The following GPR107 variants were observed in gnomAD, a reference collection of about 807,000 sequenced individuals.
The protein encoded by GPR107 is G protein-coupled receptor 107, also known as protein GPR107.
In GPR107, 31 loss-of-function variants were observed where a neutral mutation model predicts 75.5. That is an observed-to-expected ratio of 0.41 (90% CI 0.31 to 0.55). The LOEUF (loss-of-function observed/expected upper bound fraction) is 0.55. Ranked by LOEUF, GPR107 falls within the 20% of genes least tolerant of loss-of-function variation. The pLI is 0.26. For missense variants in GPR107, 572 were observed against 665.7 expected (o/e 0.86, Z 1.55); for synonymous variants, 267 against 251.3 (o/e 1.06, Z -0.59).
chr9:130,094,622 T>G (rs1168097458), intron 9 of GPR107, among the ~76,000 whole-genome samples: 2 of 151,996 alleles, frequency 1.3e-5, no homozygotes. Flanking sequence ...GTTATAAAAA[T>G]TTAGGCCATT....
At chr9:130,121,659 A>G (rs1831550081) in intron 14 of GPR107, among the ~76,000 whole-genome samples, 1 of 152,026 alleles carries the variant, frequency 6.6e-6, no homozygotes, top group Admixed American at 6.6e-5. Flanking sequence ...GCCTTCTCCC[A>G]CTGTGGCTCA....
At chr9:130,124,998 A>G in intron 15 of GPR107, 34 bp downstream of exon 15, 3 of 1,091,776 alleles carry the variant, frequency 2.7e-6, no homozygotes, top group Non-Finnish European at 2.6e-6. Context: ...TCAATCTATA[A>G]ATAAAATCAA....
intron 1 of GPR107, among the ~76,000 whole-genome samples, chr9:130,062,426 A>AATAATAATT (rs1480126302): frequency 1.7e-5 from 2 of 114,724 alleles, no homozygotes; most frequent in Admixed American, 8.0e-5. Context: ...AAATGATAAT[A>AATAATAATT]ATAATAATAA....
intron 6 of GPR107, among the ~76,000 whole-genome samples, chr9:130,084,638 T>TG (rs1830573153): frequency 6.6e-6 from 1 of 151,668 alleles, no homozygotes; most frequent in East Asian, 1.9e-4. Context: ...TTAGCGGGCA[T>TG]GGTGGTATGC....
At position 130,127,794 on chromosome 9, in the gene GPR107, C is replaced by T. The variant is rs1831722794; in HGVS notation, c.1440+228C>T. On this transcript the variant is annotated intron_variant, in intron 16 of 17. Transcript: ENST00000347136. ...CTCAGCTCACTGCAACCTCCACCTCCCGGGTTCAAGCGATTCTCCTGCCTC... is the reference window on the plus strand; with the variant it reads ...CTCAGCTCACTGCAACCTCCACCTCTCGGGTTCAAGCGATTCTCCTGCCTC... 1.3e-5 allele frequency among the ~76,000 whole-genome samples: 2 copies of T among 152,188 alleles called. 1 individual carries two copies. Among genetic ancestry groups the T allele is most frequent in the Admixed American group, 1.3e-4 (2 of 15,270 alleles).
At chr9:130,087,138 A>G (rs1045783737) in intron 7 of GPR107, among the ~76,000 whole-genome samples, 3 of 151,942 alleles carry the variant, frequency 2.0e-5, no homozygotes, top group African/African-American at 7.3e-5. Flanking sequence ...CCTAGGCTCA[A>G]GTGATCCTCC....
At chr9:130,086,218 A>G (rs558301809) in intron 6 of GPR107, among the ~76,000 whole-genome samples, 1 of 152,306 alleles carries the variant, frequency 6.6e-6, no homozygotes, top group South Asian at 2.1e-4. Flanking sequence ...CAGAAGAGAC[A>G]GGTGAAGAAC....
intron 13 of GPR107, among the ~76,000 whole-genome samples, chr9:130,104,862 G>A (rs1452429388): frequency 1.3e-5 from 2 of 152,174 alleles, no homozygotes. Flanking sequence ...TTGTGGTGGT[G>A]GTAGGGAGTT....
chr9:130,061,458 C>T (rs1829921869), intron 1 of GPR107, among the ~76,000 whole-genome samples: 1 of 152,140 alleles, frequency 6.6e-6, no homozygotes, highest in Admixed American at 6.6e-5. Flanking sequence ...GGAGCATCTT[C>T]ATGTTCCCAT....
chr9:130,058,825 G>A (rs1379326699), intron 1 of GPR107, among the ~76,000 whole-genome samples: 2 of 152,080 alleles, frequency 1.3e-5, no homozygotes. Context: ...TTCATTTTGT[G>A]CCATGTGTCA....
intron 1 of GPR107, among the ~76,000 whole-genome samples, chr9:130,062,644 GCCTGCCTGCCTGCCTGCCTTCCTT>G (rs1564657609): frequency 7.1e-5 from 5 of 70,908 alleles, no homozygotes; most frequent in Non-Finnish European, 1.2e-4. Context: ...CTGCCTGCCT[GCCTGCCTGCCTGCCTGCCTTCCTT>G]CCTTCCTTCC....
At chr9:130,132,734 C>T (rs191153473) in intron 17 of GPR107, among the ~76,000 whole-genome samples, 45 of 151,696 alleles carry the variant, frequency 3.0e-4, no homozygotes, top group Admixed American at 4.6e-4. Context: ...TGCAGTGAGT[C>T]GAGATGGCGC....
chr9:130,083,507 T>G, intron 5 of GPR107, 58 bp from the exon 6 acceptor site: 1 of 1,010,474 alleles, frequency 9.9e-7, no homozygotes. Flanking sequence ...CTGTAATATA[T>G]ATATGTATCT....
chr9:130,133,312 C>T (rs1171383753), intron 17 of GPR107: 2 of 152,204 alleles, frequency 1.3e-5, no homozygotes, highest in Admixed American at 6.5e-5. Flanking sequence ...GCCGTCAGGC[C>T]CATATCCGGG....
At chr9:130,132,420 C>T (rs1831849430) in intron 17 of GPR107, among the ~76,000 whole-genome samples, 1 of 152,218 alleles carries the variant, frequency 6.6e-6, no homozygotes, top group Non-Finnish European at 1.5e-5. Flanking sequence ...CCCTCGACAA[C>T]CCTGCCGTCC....
At chr9:130,054,106 A>G in intron 1 of GPR107, 33 bp downstream of exon 1, 1 of 1,458,128 alleles carries the variant, frequency 6.9e-7, no homozygotes, top group South Asian at 1.3e-5. Flanking sequence ...CGGGGGGCGG[A>G]GGCCGAGGCC....
chr9:130,094,068 G>A (rs950549206), intron 9 of GPR107, among the ~76,000 whole-genome samples: 9 of 151,964 alleles, frequency 5.9e-5, no homozygotes, highest in African/African-American at 1.7e-4. Context: ...ACCTGGCTCA[G>A]CTTCCCAAAG....
intron 17 of GPR107, 152 bp from the exon 18 acceptor site, chr9:130,134,873 C>G (rs1831912033): frequency 3.1e-6 from 2 of 645,748 alleles, no homozygotes; most frequent in African/African-American, 3.6e-5. Context: ...GGTTACACAG[C>G]TAGTAAGGAA....
In GPR107 at chr9:130,132,064, T is replaced by C. The variant is rs1328608732; in HGVS notation, c.1563-2961T>C. Among the ~76,000 whole-genome samples, 6 of 152,130 alleles carry C rather than the reference T, an allele frequency of 3.9e-5. No homozygotes were observed. The East Asian group carries it at 1.2e-3, about 29-fold the overall frequency. ...GCCCAGCTAATGTTTTTGTATTTTTTTGTAGAGATAGGGTTTTGCCATGTT... is the reference window on the plus strand; with the variant it reads ...GCCCAGCTAATGTTTTTGTATTTTTCTGTAGAGATAGGGTTTTGCCATGTT... On this transcript the variant is annotated intron_variant, in intron 17 of 17. Transcript: ENST00000347136.
Sources: allele counts gnomAD v4.1 joint callset (sites outside exome capture counted in the v4.1 genomes callset), GRCh38; gene constraint gnomAD v4.1.1; transcripts MANE v1.5; gene names NCBI Gene and HGNC (gene_info 2026-07-23, HGNC 2026-07-21).